The following SCAPER variants were observed in gnomAD, a reference collection of about 807,000 sequenced individuals.
SCAPER encodes the protein S phase cyclin A-associated protein in the endoplasmic reticulum.
In SCAPER, 98 loss-of-function variants were observed where a neutral mutation model predicts 182.2. That is an observed-to-expected ratio of 0.54 (90% CI 0.46 to 0.64). The LOEUF is 0.64. Ranked by LOEUF, SCAPER falls within the 30% of genes least tolerant of loss-of-function variation. SCAPER has a pLI of 0.00. For missense variants in SCAPER, 1,432 were observed against 1,690.0 expected (o/e 0.85, Z 2.68); for synonymous variants, 605 against 564.6 (o/e 1.07, Z -1.01).
chr15:76,691,741 T>C (rs141609307), intron 20 of SCAPER, among the ~76,000 whole-genome samples: 103 of 152,204 alleles, frequency 6.8e-4, no homozygotes, highest in African/African-American at 2.2e-3. Flanking sequence ...ACAAAGAAAT[T>C]TGTTCTATTG....
In SCAPER at chr15:76,471,803, G is replaced by A. The variant is rs370078004; in HGVS notation, c.2955-468C>T. ...GGCTCTCCATGTAAGATAAGACCCC[G>A]GAGTTCTAGGGAGTCGACATCACAC... On this transcript the variant is annotated intron_variant, in intron 24 of 31. Transcript: ENST00000563290. 1.7e-4 allele frequency among the ~76,000 whole-genome samples: 26 copies of A among 152,154 alleles called. No individual in the cohort carries two copies. In the East Asian group the frequency reaches 1.9e-3, roughly 11 times the overall value.
intron 27 of SCAPER, among the ~76,000 whole-genome samples, chr15:76,383,021 A>G (rs1204476050): frequency 6.6e-6 from 1 of 152,100 alleles, no homozygotes; most frequent in Non-Finnish European, 1.5e-5. Context: ...GTCATGGCAT[A>G]ATACCTTTCC....
At chr15:76,578,231 C>G (rs2047999105) in intron 22 of SCAPER, among the ~76,000 whole-genome samples, 1 of 152,146 alleles carries the variant, frequency 6.6e-6, no homozygotes, top group Admixed American at 6.5e-5. Flanking sequence ...ACTCTAGGCC[C>G]TGGCTCCTGG....
At chr15:76,409,654 C>A (rs2142200216) in intron 26 of SCAPER, among the ~76,000 whole-genome samples, 1 of 152,082 alleles carries the variant, frequency 6.6e-6, no homozygotes, top group Non-Finnish European at 1.5e-5. Context: ...TTTGTCCATC[C>A]TTGTCTACCT....
chr15:76,530,556 T>C (rs2043569716), intron 23 of SCAPER, among the ~76,000 whole-genome samples: 1 of 152,198 alleles, frequency 6.6e-6, no homozygotes, highest in Non-Finnish European at 1.5e-5. Context: ...ATGGGAAATT[T>C]ATTAACCTCT....
At chr15:76,623,655 T>A (rs146047853) in intron 21 of SCAPER, among the ~76,000 whole-genome samples, 39 of 152,216 alleles carry the variant, frequency 2.6e-4, no homozygotes, top group African/African-American at 9.2e-4. Flanking sequence ...TGTAGACTTA[T>A]AGTATAGTTT....
intron 31 of SCAPER, 37 bp from the exon 32 acceptor site, chr15:76,348,773 A>G (rs1171357884): frequency 7.9e-7 from 1 of 1,258,100 alleles, no homozygotes; most frequent in Admixed American, 2.8e-5. Flanking sequence ...GTTAAATAAA[A>G]GAGGGTTAAA....
At chr15:76,357,150 T>TCACA (rs55912416) in intron 29 of SCAPER, among the ~76,000 whole-genome samples, 10,733 of 128,804 alleles carry the variant, frequency 0.083, 496 homozygotes, top group Middle Eastern at 0.14. Context: ...TTTATTGACA[T>TCACA]CACACACACA....
At chr15:76,780,173 CA>C (rs2064020392) in intron 8 of SCAPER, among the ~76,000 whole-genome samples, 1 of 152,234 alleles carries the variant, frequency 6.6e-6, no homozygotes, top group South Asian at 2.1e-4. Context: ...AACTCCCAAC[CA>C]AATACTGCGC....
intron 20 of SCAPER, among the ~76,000 whole-genome samples, chr15:76,696,763 T>C (rs978948061): frequency 3.3e-5 from 5 of 152,164 alleles, no homozygotes; most frequent in African/African-American, 1.2e-4. Context: ...AAAAGTTAAA[T>C]TTTAGAATGT....
intron 19 of SCAPER, among the ~76,000 whole-genome samples, chr15:76,702,176 AC>A (rs1438692332): frequency 7.1e-6 from 1 of 140,542 alleles, no homozygotes; most frequent in Admixed American, 7.8e-5. Flanking sequence ...ACAAAACAAA[AC>A]AAAAAAAAGA....
At chr15:76,868,392 C>CAA (rs5813851) in intron 2 of SCAPER, among the ~76,000 whole-genome samples, 2 of 145,860 alleles carry the variant, frequency 1.4e-5, no homozygotes, top group Admixed American at 6.8e-5. Flanking sequence ...GACCTTGTCT[C>CAA]AAAAAAAAAA....
intron 21 of SCAPER, among the ~76,000 whole-genome samples, chr15:76,665,171 C>A (rs1358587054): frequency 6.6e-6 from 1 of 152,156 alleles, no homozygotes; most frequent in East Asian, 1.9e-4. Context: ...TGATGATAAA[C>A]TACAGGTCTG....
chr15:76,398,127 C>T (rs62028386), intron 27 of SCAPER, among the ~76,000 whole-genome samples: 10,338 of 152,160 alleles, frequency 0.068, 392 homozygotes, highest in Middle Eastern at 0.11. Context: ...TTTCTCAACT[C>T]TACATGTTCT....
intron 15 of SCAPER, among the ~76,000 whole-genome samples, chr15:76,740,385 T>C (rs1320965342): frequency 1.3e-5 from 2 of 152,180 alleles, no homozygotes; most frequent in African/African-American, 4.8e-5. Flanking sequence ...GAGCTTACAT[T>C]ACTTCATAAA....
chr15:76,477,828 T>C (rs2143010188), intron 24 of SCAPER, among the ~76,000 whole-genome samples: 1 of 152,274 alleles, frequency 6.6e-6, no homozygotes, highest in Admixed American at 6.5e-5. Context: ...TCATTTTCTA[T>C]TGGGGTGTGT....
chr15:76,764,254 G>C lies in SCAPER; in HGVS notation c.1725+707C>G, dbSNP rs560381469. ...ATGTATGCATTGGCGTGGCAGCTCA[G>C]GGAGCTAGAGTTGGCAATATCAGTA... On this transcript the variant is annotated intron_variant, in intron 14 of 31. Coordinates refer to ENST00000563290, the MANE Select transcript of SCAPER (RefSeq NM_020843.4). Among the ~76,000 whole-genome samples the C allele has an allele frequency of 2.6e-5, 4 of 152,348 alleles. No individual in the cohort carries two copies. The East Asian group carries it at 7.7e-4, about 29-fold the overall frequency.
Position 76,490,085 on chromosome 15 carries a change from T to C in SCAPER, c.2954+14774A>G, listed in dbSNP as rs575299109. Among the ~76,000 whole-genome samples the C allele has an allele frequency of 3.3e-5, 5 of 152,294 alleles. No individual in the cohort carries two copies. In the South Asian group the frequency reaches 1.0e-3, roughly 32 times the overall value. On this transcript the variant is annotated intron_variant, in intron 24 of 31. Transcript: ENST00000563290. ...AGTTGTTTCCCCCTCCTCAAAATTG[T>C]CAATAGTGCTGAAATAAATACAGAA...
chr15:76,555,592 A>G (rs1003766268), intron 23 of SCAPER, among the ~76,000 whole-genome samples: 6 of 152,190 alleles, frequency 3.9e-5, no homozygotes, highest in African/African-American at 1.4e-4. Context: ...GTTGCTTTCT[A>G]ATTTCAGACA....
Sources: gnomAD v4.1 joint callset for allele counts (sites outside exome capture counted in the v4.1 genomes callset) on GRCh38, gnomAD v4.1.1 for gene constraint, MANE v1.5 for transcripts, NCBI Gene and HGNC (gene_info 2026-07-23, HGNC 2026-07-21) for gene names.